Variants in ERC2 observed in about 807,000 individuals in gnomAD.
The protein encoded by ERC2 is ELKS/RAB6-interacting/CAST family member 2.
ERC2 carries 42 observed loss-of-function variants against 114.8 expected under a neutral mutation model. The observed-to-expected ratio is 0.37, with a 90% CI of 0.29 to 0.47. The LOEUF is 0.47. Among genes scored for constraint, ERC2 ranks in the 20% least tolerant of loss-of-function variants. ERC2 has a pLI of 0.99. For missense variants in ERC2, 939 were observed against 1,150.7 expected, an observed-to-expected ratio of 0.82 and a Z score of 2.66; for synonymous variants, 454 against 425.5, an observed-to-expected ratio of 1.07 and a Z score of -0.82.
chr3:55,857,448 T>C (rs189762004), intron 14 of ERC2, among the ~76,000 whole-genome samples: 140 of 152,330 alleles, frequency 9.2e-4, no homozygotes, highest in Middle Eastern at 3.4e-3. Flanking sequence ...ACTTTAACCA[T>C]TTTTAAATAT....
intron 3 of ERC2, 141 bp downstream of exon 3, chr3:56,295,878 A>T: frequency 1.1e-6 from 1 of 884,698 alleles, no homozygotes; most frequent in Non-Finnish European, 1.7e-6. Flanking sequence ...TAATGGTCTT[A>T]AGCCGGCAGG....
At chr3:55,686,289 T>A (rs1413679276) in intron 16 of ERC2, among the ~76,000 whole-genome samples, 1 of 152,252 alleles carries the variant, frequency 6.6e-6, no homozygotes, top group Non-Finnish European at 1.5e-5. Context: ...GAAATGTGGA[T>A]AAATTCCTTT....
At chr3:56,209,047 A>C (rs1399883464) in intron 3 of ERC2, among the ~76,000 whole-genome samples, 1 of 151,802 alleles carries the variant, frequency 6.6e-6, no homozygotes, top group African/African-American at 2.4e-5. Flanking sequence ...CCTCTGCTGA[A>C]CCCCTTCAAA....
Position 56,369,897 on chromosome 3 carries a change from G to A in ERC2, c.657+64454C>T, listed in dbSNP as rs183712775. Among the ~76,000 whole-genome samples the A allele has an allele frequency of 2.0e-4, 31 of 152,020 alleles. No individual in the cohort carries two copies. In the East Asian group the frequency reaches 4.3e-3, roughly 21 times the overall value. On this transcript the variant is annotated intron_variant, in intron 2 of 17. Transcript: ENST00000288221. ...TCACCATTTTGGCCAGGATGGTCTC[G>A]ATCTCTTGACCTCATGATCCACCTG...
intron 14 of ERC2, among the ~76,000 whole-genome samples, chr3:55,755,734 A>C (rs1012600223): frequency 1.3e-5 from 2 of 152,176 alleles, no homozygotes; most frequent in Admixed American, 1.3e-4. Context: ...TGACATGACC[A>C]CCTAGTGACC....
intron 2 of ERC2, among the ~76,000 whole-genome samples, chr3:56,426,919 T>G (rs561491717): frequency 6.6e-6 from 1 of 150,946 alleles, no homozygotes; most frequent in African/African-American, 2.4e-5. Flanking sequence ...CCTAGCACTT[T>G]GGGAGGCTGA....
At chr3:56,172,870 A>G (rs981469689) in intron 4 of ERC2, among the ~76,000 whole-genome samples, 20 of 152,180 alleles carry the variant, frequency 1.3e-4, no homozygotes, top group Admixed American at 9.2e-4. Flanking sequence ...GGATTTTTCT[A>G]TTCCTTTAAA....
intron 6 of ERC2, among the ~76,000 whole-genome samples, chr3:56,116,617 T>C (rs565639314): frequency 1.3e-5 from 2 of 152,332 alleles, no homozygotes; most frequent in South Asian, 4.1e-4. Context: ...CACAACATCA[T>C]GAGGGATTCC....
intron 3 of ERC2, among the ~76,000 whole-genome samples, chr3:56,217,590 T>C (rs1370196524): frequency 1.3e-5 from 2 of 152,070 alleles, no homozygotes; most frequent in Non-Finnish European, 2.9e-5. Context: ...TTCAATGCCA[T>C]CCCCATCAAG....
At chr3:55,938,641 A>G (rs533950365) in intron 13 of ERC2, among the ~76,000 whole-genome samples, 14 of 152,336 alleles carry the variant, frequency 9.2e-5, no homozygotes, top group African/African-American at 3.4e-4. Context: ...TTAACAGTTA[A>G]CATTTTTAAA....
At position 55,510,709 on chromosome 3, in the gene ERC2, G is replaced by C. The variant is rs613160; in HGVS notation, c.*607C>G. 36 of 152,642 alleles carry C rather than the reference G, an allele frequency of 2.4e-4. No homozygotes were observed. Among genetic ancestry groups the C allele is most frequent in the African/African-American group, 7.7e-4 (32 of 41,544 alleles). 9.5% of individuals were successfully genotyped at this position (152,642 alleles called of 1,614,324 possible). A position where few individuals can be genotyped will look rare whatever the true frequency, so the allele number is the denominator to read the frequency against. ...ATTAAAGAAATAGAGGAGGGTAAAG[G>C]CTCGCAATTTTTGGTGTTTTTTGTT... On this transcript the variant is annotated 3_prime_UTR_variant, in exon 18 of 18. Transcript: ENST00000288221.
At chr3:55,931,666 G>A (rs188143020) in intron 13 of ERC2, among the ~76,000 whole-genome samples, 58 of 152,182 alleles carry the variant, frequency 3.8e-4, no homozygotes, top group African/African-American at 1.3e-3. Flanking sequence ...ATGGGTTGAT[G>A]GGTGCAGCAA....
At chr3:56,077,922 C>A (rs1258628241) in intron 7 of ERC2, among the ~76,000 whole-genome samples, 1 of 152,094 alleles carries the variant, frequency 6.6e-6, no homozygotes, top group Non-Finnish European at 1.5e-5. Context: ...ATGTAACAAG[C>A]ACTATTTACA....
intron 2 of ERC2, among the ~76,000 whole-genome samples, chr3:56,420,030 G>T (rs1404962912): frequency 6.6e-6 from 1 of 152,004 alleles, no homozygotes; most frequent in Non-Finnish European, 1.5e-5. Flanking sequence ...TTGGTCTTAG[G>T]ATTCCTTGGA....
At chr3:55,963,728 A>G (rs914799065) in intron 12 of ERC2, among the ~76,000 whole-genome samples, 1 of 152,228 alleles carries the variant, frequency 6.6e-6, no homozygotes, top group Admixed American at 6.5e-5. Context: ...ATTAGGGCCA[A>G]TTTGGTAGGG....
chr3:56,437,550 A>G (rs1257580998), intron 1 of ERC2, among the ~76,000 whole-genome samples: 3 of 152,368 alleles, frequency 2.0e-5, no homozygotes, highest in South Asian at 4.1e-4. Flanking sequence ...GTATGAAAAA[A>G]TGTTTTCTAT....
chr3:56,357,768 T>A (rs760949149), intron 2 of ERC2, among the ~76,000 whole-genome samples: 2 of 148,804 alleles, frequency 1.3e-5, no homozygotes, highest in Non-Finnish European at 3.0e-5. Flanking sequence ...TTACATCCAC[T>A]GGAATGAATG....
chr3:55,665,657 GC>G (rs2061330938), intron 17 of ERC2, among the ~76,000 whole-genome samples: 1 of 152,148 alleles, frequency 6.6e-6, no homozygotes, highest in Non-Finnish European at 1.5e-5. Context: ...GTCCCTCACA[GC>G]CCCAGAAGGA....
At chr3:56,081,470 AGAGGACACT>A (rs1440989187) in intron 6 of ERC2, among the ~76,000 whole-genome samples, 2 of 152,246 alleles carry the variant, frequency 1.3e-5, no homozygotes, top group Admixed American at 1.3e-4. Flanking sequence ...CATGTTGCCA[AGAGGACACT>A]CATGCTGCTG....
Sources: allele counts gnomAD v4.1 joint callset (sites outside exome capture counted in the v4.1 genomes callset), GRCh38; gene constraint gnomAD v4.1.1; transcripts MANE v1.5; gene names NCBI Gene and HGNC (gene_info 2026-07-23, HGNC 2026-07-21).